Variants in AGAP4 observed in about 807,000 individuals in gnomAD.
The protein encoded by AGAP4 is arf-GAP with GTPase, ANK repeat and PH domain-containing protein 4.
AGAP4 carries 13 observed loss-of-function variants against 60.7 expected under a neutral mutation model. The ratio of observed to expected loss-of-function variants is 0.21; its 90% CI spans 0.14 to 0.34. AGAP4 has a LOEUF of 0.34. AGAP4 is among the 10% of genes least tolerant of loss of function. AGAP4 has a pLI of 1.00. For synonymous variants in AGAP4, 70 were observed against 339.0 expected, an observed-to-expected ratio of 0.21 and a Z score of 8.72; for missense variants, 169 against 884.0, an observed-to-expected ratio of 0.19 and a Z score of 10.26.
At chr10:45,853,951 CTG>C (rs1449462191), upstream of AGAP4, 1 of 1,153,282 alleles carries the variant, frequency 8.7e-7, no homozygotes, top group African/African-American at 1.6e-5. Context: ...ATGTTTATCT[CTG>C]GGGATGGGGG....
chr10:45,848,202 TAA>T (rs1471526309), upstream of AGAP4, among the ~76,000 whole-genome samples: 2 of 141,174 alleles, frequency 1.4e-5, no homozygotes, highest in African/African-American at 5.3e-5. Context: ...CTACTCTCAA[TAA>T]AGAGTTATGG....
At chr10:45,841,447 G>T (rs2058917339) in intron 4 of AGAP4, 7 of 454,340 alleles carry the variant, frequency 1.5e-5, no homozygotes, top group Non-Finnish European at 2.4e-5. Flanking sequence ...TAACTTAAAT[G>T]TCAGAAATCT....
At chr10:45,849,970 T>G (rs1239980246), upstream of AGAP4, among the ~76,000 whole-genome samples, 1 of 150,980 alleles carries the variant, frequency 6.6e-6, no homozygotes, top group Non-Finnish European at 1.5e-5. Flanking sequence ...CTCACTCTGT[T>G]GCCCAGGCAG....
At chr10:45,841,444 A>C in intron 4 of AGAP4, 1 of 450,848 alleles carries the variant, frequency 2.2e-6, no homozygotes, top group Non-Finnish European at 4.0e-6. Context: ...ATTTAACTTA[A>C]ATGTCAGAAA....
In AGAP4 at chr10:45,826,913, T is replaced by C. The variant is rs781787145; in HGVS notation, c.1063A>G (p.Ile355Val). ...AGGCCATTGCTTTTAGAGGTGGAGA[T>C]GGGTGTGCAGGCCGATGTGGCTAGG... ...PSLATSACTP[I>V]STSKSNGLSK... Residue 355 changes from isoleucine (I) to valine (V), a missense_variant, in exon 8 of 8, where the codon ATC becomes GTC. Coordinates refer to ENST00000616763, the MANE Select transcript of AGAP4 (RefSeq NM_001276343.3). 178 of 1,309,690 alleles carry C rather than the reference T, an allele frequency of 1.4e-4. 20 individuals carry two copies. The highest frequency in any genetic ancestry group is 1.6e-4 in the Non-Finnish European group (147 of 947,964). 81.1% of individuals were successfully genotyped at this position (1,309,690 alleles called of 1,614,324 possible).
chr10:45,838,065 A>G (rs1214801050), intron 4 of AGAP4, among the ~76,000 whole-genome samples: 2 of 150,410 alleles, frequency 1.3e-5, no homozygotes, highest in Admixed American at 1.3e-4. Flanking sequence ...GGATAAAGAA[A>G]CCGTGATATA....
chr10:45,853,098 A>C (rs1554900683), intron 1 of AGAP4, among the ~76,000 whole-genome samples: 1 of 151,826 alleles, frequency 6.6e-6, no homozygotes, highest in Non-Finnish European at 1.5e-5. Flanking sequence ...GAACAGAAAA[A>C]ATGAGAAAAA....
At chr10:45,851,446 G>C (rs2059082958), upstream of AGAP4, among the ~76,000 whole-genome samples, 1 of 152,058 alleles carries the variant, frequency 6.6e-6, no homozygotes, top group Non-Finnish European at 1.5e-5. Context: ...AGGAGGGCAG[G>C]AAAGCCACAA....
chr10:45,830,181 T>C (rs4043086), intron 6 of AGAP4, among the ~76,000 whole-genome samples: 7 of 149,376 alleles, frequency 4.7e-5, no homozygotes, highest in Non-Finnish European at 1.0e-4. Context: ...GCTTCTTTTT[T>C]TCTTTTTTTG....
chr10:45,832,696 T>C (rs1295806863), intron 5 of AGAP4, among the ~76,000 whole-genome samples: 2 of 145,560 alleles, frequency 1.4e-5, no homozygotes, highest in South Asian at 2.3e-4. Flanking sequence ...GATGGGAAGA[T>C]ACATGTGTTT....
upstream of AGAP4, among the ~76,000 whole-genome samples, chr10:45,852,409 G>T (rs2059096379): frequency 2.2e-5 from 3 of 139,466 alleles, no homozygotes; most frequent in Admixed American, 7.1e-5. Context: ...TTATAAATAA[G>T]TATATCAACA....
At position 45,847,455 on chromosome 10, in the gene AGAP4, C is replaced by G; in HGVS notation, c.-108G>C. Reference sequence around the variant, plus strand: ...TGCTGCACTTGCAGAGATGGTCTTCCCGCTCCTCGCCTGCCCACCTCACAG... The same window carrying G: ...TGCTGCACTTGCAGAGATGGTCTTCGCGCTCCTCGCCTGCCCACCTCACAG... On this transcript the variant is annotated 5_prime_UTR_variant, in exon 1 of 8. Coordinates refer to ENST00000616763, the MANE Select transcript of AGAP4 (RefSeq NM_001276343.3). The G allele has an allele frequency of 6.5e-7, 1 of 1,531,044 alleles. No individual in the cohort carries two copies. The highest frequency in any genetic ancestry group is 1.2e-5 in the South Asian group (1 of 83,876). 94.8% of individuals were successfully genotyped at this position (1,531,044 alleles called of 1,614,324 possible). A position where few individuals can be genotyped will look rare whatever the true frequency, so the allele number is the denominator to read the frequency against.
upstream of AGAP4, chr10:45,847,586 G>A (rs1165418034): frequency 7.0e-7 from 1 of 1,431,534 alleles, no homozygotes; most frequent in South Asian, 1.5e-5. Context: ...ACTTGTCTGG[G>A]AGGGTGAAGA....
Position 45,825,692 on chromosome 10 carries a change from T to A in AGAP4, c.*223A>T. On this transcript the variant is annotated 3_prime_UTR_variant, in exon 8 of 8. Coordinates refer to ENST00000616763, the MANE Select transcript of AGAP4 (RefSeq NM_001276343.3). The stretch of plus-strand genomic sequence containing the variant: ...AGAAGCCTGTGTGACTTGGGCAATG[T>A]GGCCAGGAGGGCCTGAGACTAACAA... 1 of 511,128 alleles carries A rather than the reference T, an allele frequency of 2.0e-6. No homozygotes were observed. Among genetic ancestry groups the A allele is most frequent in the South Asian group, 2.7e-5 (1 of 36,902 alleles). 31.7% of individuals were successfully genotyped at this position (511,128 alleles called of 1,614,324 possible).
intron 6 of AGAP4, among the ~76,000 whole-genome samples, chr10:45,830,114 C>A (rs1225626325): frequency 6.7e-6 from 1 of 149,048 alleles, no homozygotes; most frequent in South Asian, 2.2e-4. Context: ...TGTCTGAAAA[C>A]TTTAAAAATA....
chr10:45,850,760 A>G (rs1391397132), upstream of AGAP4, among the ~76,000 whole-genome samples: 13 of 152,202 alleles, frequency 8.5e-5, no homozygotes, highest in South Asian at 4.2e-4. Context: ...AAGACTGGGT[A>G]TGTAGCAGTG....
upstream of AGAP4, among the ~76,000 whole-genome samples, chr10:45,849,850 G>A (rs2059061329): frequency 6.6e-6 from 1 of 151,396 alleles, no homozygotes. Flanking sequence ...ACGTTGGTCA[G>A]GCCCGCCTCA....
intron 4 of AGAP4, among the ~76,000 whole-genome samples, chr10:45,837,029 G>C (rs1342862982): frequency 2.8e-5 from 4 of 143,918 alleles, no homozygotes; most frequent in African/African-American, 1.0e-4. Flanking sequence ...ACCACACCCG[G>C]CTAACTTTTG....
Position 45,846,771 on chromosome 10 carries a change from G to T in AGAP4, c.224-16C>A. 1 of 1,031,484 alleles carries T rather than the reference G, an allele frequency of 9.7e-7. No homozygotes were observed. The highest frequency in any genetic ancestry group is 1.4e-6 in the Non-Finnish European group (1 of 732,044). 63.9% of individuals were successfully genotyped at this position (1,031,484 alleles called of 1,614,324 possible). ...AACTCCAAAGCTATATGTATAGAGG[G>T]AGAAAAGAAAAAAGATGTAATCATT... On this transcript the variant is annotated splice_polypyrimidine_tract_variant and intron_variant, in intron 1 of 7. Transcript: ENST00000616763.
Sources: gnomAD v4.1 joint callset for allele counts (sites outside exome capture counted in the v4.1 genomes callset) on GRCh38, gnomAD v4.1.1 for gene constraint, MANE v1.5 for transcripts, NCBI Gene and HGNC (gene_info 2026-07-23, HGNC 2026-07-21) for gene names.